The following DLGAP2 variants were observed in gnomAD, a reference collection of about 807,000 sequenced individuals.
DLGAP2 encodes the protein DLG associated protein 2.
A neutral mutation model predicts 100.3 loss-of-function variants in DLGAP2; 26 were observed. The ratio of observed to expected loss-of-function variants is 0.26; its 90% CI spans 0.19 to 0.36. The LOEUF (loss-of-function observed/expected upper bound fraction) is 0.36, where lower values mean the gene tolerates loss of function less well. DLGAP2 is among the 10% of genes least tolerant of loss of function. The pLI is 1.00. For missense variants in DLGAP2, 1,858 were observed against 1,453.2 expected (o/e 1.28, Z -4.53); for synonymous variants, 886 against 630.1 (o/e 1.41, Z -6.08).
chr8:1,566,222 G>A (rs950932979), intron 6 of DLGAP2, among the ~76,000 whole-genome samples: 33 of 152,156 alleles, frequency 2.2e-4, no homozygotes, highest in Admixed American at 2.0e-3. Context: ...GAATGTGTGC[G>A]TATGGGTGTG....
intron 2 of DLGAP2, chr8:1,003,181 G>A (rs1235663647): frequency 6.6e-6 from 1 of 152,236 alleles, no homozygotes; most frequent in Non-Finnish European, 1.5e-5. Flanking sequence ...CACCGCTATG[G>A]GAGGACTCTA....
At chr8:1,316,207 G>A (rs1284434331) in intron 3 of DLGAP2, among the ~76,000 whole-genome samples, 2 of 126,724 alleles carry the variant, frequency 1.6e-5, no homozygotes, top group Admixed American at 1.7e-4. Flanking sequence ...GCCTGTACGA[G>A]TGCAGCGTCT....
At chr8:793,876 G>A (rs772719146) in intron 1 of DLGAP2, among the ~76,000 whole-genome samples, 6 of 152,152 alleles carry the variant, frequency 3.9e-5, no homozygotes, top group Non-Finnish European at 8.8e-5. Context: ...AACCTGTTAC[G>A]GCTTCTCAGC....
At chr8:1,518,412 A>G (rs768692282) in intron 4 of DLGAP2, among the ~76,000 whole-genome samples, 1 of 152,220 alleles carries the variant, frequency 6.6e-6, no homozygotes, top group Non-Finnish European at 1.5e-5. Context: ...TTAAATACAA[A>G]TTATGAAGGG....
chr8:868,294 C>G (rs1797534872), intron 1 of DLGAP2, among the ~76,000 whole-genome samples: 1 of 152,064 alleles, frequency 6.6e-6, no homozygotes, highest in African/African-American at 2.4e-5. Flanking sequence ...GGAGGTGTGT[C>G]TCGTTGTTAG....
chr8:846,510 A>G (rs1797074367), intron 1 of DLGAP2, among the ~76,000 whole-genome samples: 2 of 152,190 alleles, frequency 1.3e-5, no homozygotes, highest in Admixed American at 6.5e-5. Context: ...TATAAGTACA[A>G]TATTTTCTTT....
rs765175689 is a variant in DLGAP2, at chr8:1,549,376, C to G, written c.923C>G (p.Thr308Ser). The G allele has an allele frequency of 2.5e-6, 4 of 1,613,500 alleles. No homozygotes were observed. Among genetic ancestry groups the G allele is most frequent in the Non-Finnish European group, 3.4e-6 (4 of 1,179,798 alleles). ...SSDDNLDSDSTYRTPSVLNRH... is the reference protein window; with the variant it reads ...SSDDNLDSDSSYRTPSVLNRH... The stretch of plus-strand genomic sequence containing the variant: ...GACGACAACCTGGACAGCGACAGCA[C>G]CTATCGGACGCCCAGCGTGCTCAAC... Residue 308 changes from threonine to serine, a missense_variant, in exon 5 of 15, where the codon ACC becomes AGC. Thr to Ser is a moderately conservative substitution (Grantham distance 58). Coordinates refer to ENST00000637795, the MANE Select transcript of DLGAP2 (RefSeq NM_001346810.2).
chr8:1,315,017 G>A (rs951958834), intron 3 of DLGAP2, among the ~76,000 whole-genome samples: 1 of 152,212 alleles, frequency 6.6e-6, no homozygotes, highest in African/African-American at 2.4e-5. Flanking sequence ...TTATTAATAG[G>A]ACTTCCAGAA....
chr8:916,748 G>A (rs1244333259), intron 2 of DLGAP2, among the ~76,000 whole-genome samples: 1 of 152,256 alleles, frequency 6.6e-6, no homozygotes, highest in African/African-American at 2.4e-5. Context: ...TCACCCACTT[G>A]TTGTGATTTC....
intron 1 of DLGAP2, among the ~76,000 whole-genome samples, chr8:905,617 C>A (rs1417138650): frequency 6.6e-6 from 1 of 152,132 alleles, no homozygotes; most frequent in African/African-American, 2.4e-5. Context: ...CTAAAGGAGT[C>A]CCACAGGCAG....
chr8:1,306,091 A>AG (rs1401913827), intron 3 of DLGAP2, among the ~76,000 whole-genome samples: 2 of 131,436 alleles, frequency 1.5e-5, no homozygotes, highest in South Asian at 2.3e-4. Flanking sequence ...AAAAAAAAAA[A>AG]AGAGAGAGGG....
chr8:1,244,737 C>T (rs1292344601), intron 2 of DLGAP2, among the ~76,000 whole-genome samples: 2 of 152,110 alleles, frequency 1.3e-5, no homozygotes, highest in Non-Finnish European at 2.9e-5. Context: ...AGATGACACC[C>T]AAAGCGCAAA....
intron 2 of DLGAP2, among the ~76,000 whole-genome samples, chr8:1,144,350 G>A (rs1051482708): frequency 3.3e-5 from 5 of 152,230 alleles, no homozygotes; most frequent in African/African-American, 4.8e-5. Context: ...GGGAGGCCAC[G>A]TCCTAAAGTT....
At chr8:873,123 C>A (rs533699249) in intron 1 of DLGAP2, among the ~76,000 whole-genome samples, 1 of 152,302 alleles carries the variant, frequency 6.6e-6, no homozygotes, top group South Asian at 2.1e-4. Context: ...ATTTATAAAA[C>A]TTAATATAGT....
At position 839,458 on chromosome 8, in the gene DLGAP2, G is replaced by A. The variant is rs116797658; in HGVS notation, c.19-68454G>A. Among the ~76,000 whole-genome samples, 966 of 152,322 alleles carry A rather than the reference G, an allele frequency of 6.3e-3. 9 individuals carry two copies. Among genetic ancestry groups the A allele is most frequent in the African/African-American group, 0.022 (919 of 41,566 alleles). On this transcript the variant is annotated intron_variant, in intron 1 of 14. Coordinates refer to ENST00000637795, the MANE Select transcript of DLGAP2 (RefSeq NM_001346810.2). Reference sequence around the variant, plus strand: ...GAATCTGGAGGACTTTATGCTGAGCGAAATAAGCCAGGCGCAGAAAGACAA... The same window carrying A: ...GAATCTGGAGGACTTTATGCTGAGCAAAATAAGCCAGGCGCAGAAAGACAA...
chr8:1,425,830 A>C (rs1339045422), intron 3 of DLGAP2, among the ~76,000 whole-genome samples: 1 of 152,202 alleles, frequency 6.6e-6, no homozygotes, highest in African/African-American at 2.4e-5. Context: ...AGAAACAGAG[A>C]CAGCCAGAAG....
chr8:834,567 G>C (rs1330861870), intron 1 of DLGAP2, among the ~76,000 whole-genome samples: 1 of 152,192 alleles, frequency 6.6e-6, no homozygotes, highest in African/African-American at 2.4e-5. Context: ...ATTGTTTTAA[G>C]AGTGGTTAGA....
intron 2 of DLGAP2, among the ~76,000 whole-genome samples, chr8:1,192,929 T>C (rs1433096321): frequency 6.6e-6 from 1 of 152,026 alleles, no homozygotes; most frequent in African/African-American, 2.4e-5. Flanking sequence ...GGTGTTTGGT[T>C]TTTTGTCCTT....
intron 3 of DLGAP2, among the ~76,000 whole-genome samples, chr8:1,390,915 C>G (rs1022939170): frequency 2.6e-4 from 39 of 152,208 alleles, no homozygotes; most frequent in African/African-American, 7.0e-4. Flanking sequence ...AGGCAGCAAC[C>G]TCAGAAGCCA....
Sources: gnomAD v4.1 joint callset for allele counts (sites outside exome capture counted in the v4.1 genomes callset) on GRCh38, gnomAD v4.1.1 for gene constraint, MANE v1.5 for transcripts, NCBI Gene and HGNC (gene_info 2026-07-23, HGNC 2026-07-21) for gene names.